The following SMYD3 variants were observed in gnomAD, a reference collection of about 807,000 sequenced individuals.
SMYD3 encodes histone-lysine N-methyltransferase SMYD3.
In SMYD3, 36 loss-of-function variants were observed where a neutral mutation model predicts 57.7. That is an observed-to-expected ratio of 0.62 (90% CI 0.48 to 0.82). SMYD3 has a LOEUF of 0.82. Ranked by LOEUF, SMYD3 falls within the 40% of genes least tolerant of loss-of-function variation. SMYD3 has a pLI of 0.00. For synonymous variants in SMYD3, 211 were observed against 195.0 expected (o/e 1.08, Z -0.68); for missense variants, 515 against 538.8 (o/e 0.96, Z 0.44).
chr1:245,994,531 C>CG (rs1421720571), intron 5 of SMYD3, among the ~76,000 whole-genome samples: 1 of 152,104 alleles, frequency 6.6e-6, no homozygotes, highest in African/African-American at 2.4e-5. Flanking sequence ...CATTTTCTCC[C>CG]GGGACATCAA....
At chr1:245,966,880 AT>A (rs1275794657) in intron 5 of SMYD3, among the ~76,000 whole-genome samples, 1 of 152,124 alleles carries the variant, frequency 6.6e-6, no homozygotes, top group East Asian at 1.9e-4. Context: ...ATATGAACCT[AT>A]CCCCCCTCAG....
Position 246,349,305 on chromosome 1 carries a change from C to T in SMYD3, c.228+5726G>A, listed in dbSNP as rs116665695. ...GTTTATGTATAAGCTAAATAAATGA[C>T]ATAAGAGAGGGAGCAGGGGCCGGGC... On this transcript the variant is annotated intron_variant, in intron 2 of 11. Coordinates refer to ENST00000490107, the MANE Select transcript of SMYD3 (RefSeq NM_001167740.2). 9.4e-3 allele frequency among the ~76,000 whole-genome samples: 1,433 copies of T among 152,188 alleles called. 26 individuals carry two copies. Among genetic ancestry groups the T allele is most frequent in the African/African-American group, 0.032 (1,331 of 41,518 alleles).
rs375061267 is a variant in SMYD3, at chr1:246,066,289, C to T, written c.532-136352G>A. Among the ~76,000 whole-genome samples the T allele has an allele frequency of 1.4e-4, 21 of 152,306 alleles. No homozygotes were observed. The East Asian group carries it at 3.1e-3, about 22-fold the overall frequency. ...AATAAAAGGCAGCTTAGTGGACATC[C>T]TAAAAGGTTGAATTTTCATGAATTA... On this transcript the variant is annotated intron_variant, in intron 5 of 11. Coordinates refer to ENST00000490107, the MANE Select transcript of SMYD3 (RefSeq NM_001167740.2).
intron 11 of SMYD3, among the ~76,000 whole-genome samples, chr1:245,755,280 C>A (rs910189781): frequency 2.0e-5 from 3 of 152,134 alleles, no homozygotes; most frequent in African/African-American, 7.2e-5. Context: ...TAACTTGAAT[C>A]TTTTTATGTT....
At chr1:246,103,330 A>G (rs900775523) in intron 5 of SMYD3, among the ~76,000 whole-genome samples, 3 of 152,156 alleles carry the variant, frequency 2.0e-5, no homozygotes, top group African/African-American at 7.2e-5. Flanking sequence ...AGAACAGAAT[A>G]TTAAGGCTAT....
intron 1 of SMYD3, among the ~76,000 whole-genome samples, chr1:246,356,316 C>T (rs995340224): frequency 2.6e-5 from 4 of 152,130 alleles, no homozygotes; most frequent in African/African-American, 9.7e-5. Context: ...TCCCATGTCT[C>T]CCCTCTGACA....
intron 1 of SMYD3, among the ~76,000 whole-genome samples, chr1:246,490,311 G>A (rs988899211): frequency 1.3e-5 from 2 of 152,168 alleles, no homozygotes; most frequent in Admixed American, 6.5e-5. Flanking sequence ...TAATAATCAA[G>A]AGAAGGAGTC....
intron 10 of SMYD3, among the ~76,000 whole-genome samples, chr1:245,851,274 T>C (rs1316469206): frequency 1.3e-5 from 2 of 152,168 alleles, no homozygotes; most frequent in Non-Finnish European, 2.9e-5. Context: ...ATGAGGACTT[T>C]GTATTGCCTG....
chr1:245,888,549 G>A (rs1056541610), intron 8 of SMYD3, among the ~76,000 whole-genome samples: 6 of 152,216 alleles, frequency 3.9e-5, no homozygotes, highest in East Asian at 1.9e-4. Context: ...ATTGTCCAGC[G>A]TCACTCTATT....
chr1:245,979,671 T>G (rs2058548277), intron 5 of SMYD3, among the ~76,000 whole-genome samples: 1 of 152,094 alleles, frequency 6.6e-6, no homozygotes, highest in Admixed American at 6.5e-5. Context: ...CCCTCAGAAT[T>G]GTGAAAAAAA....
chr1:246,357,729 T>C (rs893764251), intron 1 of SMYD3, among the ~76,000 whole-genome samples: 4 of 152,128 alleles, frequency 2.6e-5, no homozygotes, highest in African/African-American at 4.8e-5. Flanking sequence ...GCTTCATAAA[T>C]GAAGTAAGAT....
intron 10 of SMYD3, among the ~76,000 whole-genome samples, chr1:245,829,617 T>C (rs10924345): frequency 0.029 from 4,403 of 152,306 alleles, 193 homozygotes; most frequent in African/African-American, 0.1. Flanking sequence ...ACTTACCATA[T>C]GATCTGGTAA....
At chr1:245,959,570 T>A (rs2057946290) in intron 5 of SMYD3, among the ~76,000 whole-genome samples, 1 of 152,148 alleles carries the variant, frequency 6.6e-6, no homozygotes, top group Non-Finnish European at 1.5e-5. Flanking sequence ...AACTAGATGG[T>A]CTGTTAAACG....
chr1:246,433,274 A>G (rs975210787), intron 1 of SMYD3, among the ~76,000 whole-genome samples: 2 of 152,224 alleles, frequency 1.3e-5, no homozygotes, highest in South Asian at 2.1e-4. Flanking sequence ...AAAGATCTCT[A>G]CAAGGAAAAC....
intron 5 of SMYD3, among the ~76,000 whole-genome samples, chr1:246,137,868 G>A (rs1405277953): frequency 6.6e-6 from 1 of 151,960 alleles, no homozygotes; most frequent in South Asian, 2.1e-4. Context: ...CTGAGTTTTG[G>A]AATGGCTCTT....
At chr1:246,040,878 T>C (rs984518825) in intron 5 of SMYD3, among the ~76,000 whole-genome samples, 15 of 152,184 alleles carry the variant, frequency 9.9e-5, no homozygotes, top group African/African-American at 3.6e-4. Flanking sequence ...AACTAGAAGA[T>C]AGATGGTTGT....
intron 10 of SMYD3, among the ~76,000 whole-genome samples, chr1:245,806,916 C>CAAAAAAAAAAAAA (rs112012738): frequency 2.4e-5 from 1 of 41,332 alleles, no homozygotes; most frequent in African/African-American, 9.1e-5. Context: ...GACTCCGTCT[C>CAAAAAAAAAAAAA]AAAAAAAAAA....
intron 1 of SMYD3, among the ~76,000 whole-genome samples, chr1:246,501,317 T>C (rs147493349): frequency 6.6e-6 from 1 of 152,342 alleles, no homozygotes; most frequent in African/African-American, 2.4e-5. Flanking sequence ...ATTCTGCCTT[T>C]GCTGAAACTA....
chr1:245,813,134 C>A (rs1162475279), intron 10 of SMYD3, among the ~76,000 whole-genome samples: 1 of 151,116 alleles, frequency 6.6e-6, no homozygotes, highest in East Asian at 2.0e-4. Flanking sequence ...CCTGCCTCAG[C>A]CTCCCAAGTA....
Sources: gnomAD v4.1 joint callset for allele counts (sites outside exome capture counted in the v4.1 genomes callset) on GRCh38, gnomAD v4.1.1 for gene constraint, MANE v1.5 for transcripts, NCBI Gene and HGNC (gene_info 2026-07-23, HGNC 2026-07-21) for gene names.